LRRC7: variants seen among roughly 807,000 people sequenced by gnomAD.
LRRC7 encodes leucine rich repeat containing 7.
Under a neutral mutation model 175.7 loss-of-function variants are expected in LRRC7, and 23 were observed. The ratio of observed to expected loss-of-function variants is 0.13; its 90% CI spans 0.09 to 0.19. LRRC7 has a LOEUF of 0.19. Ranked by LOEUF, LRRC7 falls within the 10% of genes least tolerant of loss-of-function variation. The pLI is 1.00. For synonymous variants in LRRC7, 685 were observed against 680.9 expected (o/e 1.01, Z -0.09); for missense variants, 1,354 against 1,904.7 (o/e 0.71, Z 5.38).
At position 69,796,658 on chromosome 1, in the gene LRRC7, G is replaced by T. The variant is rs141324085; in HGVS notation, c.421+4498G>T. Among the ~76,000 whole-genome samples, 49 of 152,190 alleles carry T rather than the reference G, an allele frequency of 3.2e-4. No individual in the cohort carries two copies. In the East Asian group the frequency reaches 8.9e-3, roughly 28 times the overall value. ...CAAGAAGAAAAATTAGCCAGGCATG[G>T]TGGCACACGCCTATAATCCCATCTA... On this transcript the variant is annotated intron_variant, in intron 4 of 26. Coordinates refer to ENST00000651989, the MANE Select transcript of LRRC7 (RefSeq NM_001370785.2).
chr1:69,976,189 T>C (rs1456740023), intron 8 of LRRC7, among the ~76,000 whole-genome samples: 2 of 152,142 alleles, frequency 1.3e-5, no homozygotes, highest in Non-Finnish European at 1.5e-5. Flanking sequence ...GGGGAGTTTA[T>C]TAAGTAGTAT....
chr1:69,769,409 A>G (rs895214323), intron 3 of LRRC7, among the ~76,000 whole-genome samples: 1 of 150,654 alleles, frequency 6.6e-6, no homozygotes, highest in Non-Finnish European at 1.5e-5. Flanking sequence ...AAAATCTGAA[A>G]CTTTTTGAGC....
At chr1:69,569,085 T>A (rs962087118) in intron 1 of LRRC7, among the ~76,000 whole-genome samples, 5 of 148,562 alleles carry the variant, frequency 3.4e-5, no homozygotes, top group Non-Finnish European at 6.0e-5. Context: ...ACACACACAC[T>A]CACACACACT....
intron 26 of LRRC7, among the ~76,000 whole-genome samples, chr1:70,112,763 G>A (rs1222672441): frequency 6.6e-6 from 1 of 152,178 alleles, no homozygotes; most frequent in African/African-American, 2.4e-5. Context: ...GTTTATTCCT[G>A]GTGGAGCAGA....
intron 3 of LRRC7, among the ~76,000 whole-genome samples, chr1:69,763,256 C>A (rs1671237176): frequency 1.3e-5 from 2 of 152,094 alleles, no homozygotes; most frequent in South Asian, 4.1e-4. Context: ...TTCACCTTGG[C>A]AGGAACAAAT....
chr1:70,093,239 G>T (rs1664154634), intron 25 of LRRC7, among the ~76,000 whole-genome samples: 1 of 152,154 alleles, frequency 6.6e-6, no homozygotes. Context: ...CAACAAATCT[G>T]ATAGTAAAGC....
At chr1:69,999,549 G>A (rs1655325177) in intron 11 of LRRC7, among the ~76,000 whole-genome samples, 1 of 152,038 alleles carries the variant, frequency 6.6e-6, no homozygotes, top group South Asian at 2.1e-4. Context: ...GCTTCAATTG[G>A]CCATCATCAA....
chr1:69,882,776 A>T, intron 7 of LRRC7, among the ~76,000 whole-genome samples: 1 of 86,206 alleles, frequency 1.2e-5, no homozygotes, highest in South Asian at 4.7e-4. Flanking sequence ...CCCCCACCCC[A>T]CCACAGTATC....
chr1:69,786,281 G>T (rs1569855108), intron 3 of LRRC7, among the ~76,000 whole-genome samples: 2 of 152,160 alleles, frequency 1.3e-5, no homozygotes, highest in South Asian at 4.1e-4. Context: ...TCTAACACAA[G>T]AGAGCTCAGT....
At chr1:69,912,713 G>A (rs1160494684) in intron 7 of LRRC7, among the ~76,000 whole-genome samples, 2 of 152,172 alleles carry the variant, frequency 1.3e-5, no homozygotes, top group African/African-American at 4.8e-5. Context: ...CAGCATGAAT[G>A]AATAATTGGT....
intron 7 of LRRC7, among the ~76,000 whole-genome samples, chr1:69,861,874 A>G (rs1263852298): frequency 6.6e-6 from 1 of 152,220 alleles, no homozygotes; most frequent in East Asian, 1.9e-4. Flanking sequence ...AGTGCCTGTC[A>G]GGCCCTACCC....
At chr1:69,808,370 AAG>A (rs1191579282) in intron 4 of LRRC7, among the ~76,000 whole-genome samples, 1 of 151,992 alleles carries the variant, frequency 6.6e-6, no homozygotes, top group Admixed American at 6.6e-5. Flanking sequence ...AAAAATTAAC[AAG>A]GGTATTCAGG....
intron 7 of LRRC7, among the ~76,000 whole-genome samples, chr1:69,871,900 T>C (rs948391665): frequency 6.6e-6 from 1 of 152,002 alleles, no homozygotes; most frequent in Non-Finnish European, 1.5e-5. Context: ...ACCTTTAGAG[T>C]ATTTGCCAAA....
chr1:69,658,497 G>T (rs1488203509), intron 1 of LRRC7, among the ~76,000 whole-genome samples: 1 of 151,992 alleles, frequency 6.6e-6, no homozygotes, highest in African/African-American at 2.4e-5. Flanking sequence ...CTCCTAGAAG[G>T]TAGGTAAGAA....
intron 1 of LRRC7, among the ~76,000 whole-genome samples, chr1:69,675,998 T>C (rs1659710138): frequency 8.0e-6 from 1 of 125,392 alleles, no homozygotes; most frequent in Non-Finnish European, 1.7e-5. Flanking sequence ...GATAGGCATA[T>C]GAGTGCATGC....
intron 9 of LRRC7, among the ~76,000 whole-genome samples, chr1:69,983,415 C>T (rs1243252735): frequency 6.6e-6 from 1 of 152,182 alleles, no homozygotes; most frequent in Non-Finnish European, 1.5e-5. Context: ...AATGGGATAA[C>T]TTTGGAGTGT....
intron 1 of LRRC7, among the ~76,000 whole-genome samples, chr1:69,620,194 A>G (rs1650338163): frequency 6.6e-6 from 1 of 152,172 alleles, no homozygotes; most frequent in African/African-American, 2.4e-5. Context: ...TTTCTTTTAG[A>G]AACCGTAGCC....
At chr1:69,973,887 T>C (rs1652535347) in intron 8 of LRRC7, among the ~76,000 whole-genome samples, 1 of 152,196 alleles carries the variant, frequency 6.6e-6, no homozygotes, top group African/African-American at 2.4e-5. Flanking sequence ...TGCCCAGCCA[T>C]TTTGTGTTTG....
At chr1:69,701,889 T>C (rs1229448392) in intron 2 of LRRC7, among the ~76,000 whole-genome samples, 1 of 152,238 alleles carries the variant, frequency 6.6e-6, no homozygotes, top group East Asian at 1.9e-4. Context: ...ACTAGTGTTA[T>C]ACAAGCTAAA....
Sources: allele counts gnomAD v4.1 joint callset (sites outside exome capture counted in the v4.1 genomes callset), GRCh38; gene constraint gnomAD v4.1.1; transcripts MANE v1.5; gene names NCBI Gene and HGNC (gene_info 2026-07-23, HGNC 2026-07-21).